Variants in HK1 observed in about 807,000 individuals in gnomAD.
HK1 encodes hexokinase 1, also known as hexokinase-1.
HK1 carries 28 observed loss-of-function variants against 91.6 expected under a neutral mutation model. The ratio of observed to expected loss-of-function variants is 0.31; its 90% confidence interval spans 0.23 to 0.42. The LOEUF (loss-of-function observed/expected upper bound fraction) is 0.42, where lower values mean the gene tolerates loss of function less well. HK1 is among the 10% of genes least tolerant of loss of function. HK1 has a pLI of 1.00. For missense variants in HK1, 770 were observed against 1,219.8 expected, an observed-to-expected ratio of 0.63 and a Z score of 5.49; for synonymous variants, 430 against 468.1, an observed-to-expected ratio of 0.92 and a Z score of 1.05.
At chr10:69,347,375 T>A (rs556181622) in intron 2 of HK1, among the ~76,000 whole-genome samples, 2 of 151,430 alleles carry the variant, frequency 1.3e-5, no homozygotes, top group East Asian at 3.9e-4. Context: ...CTAGGGAGAA[T>A]GAAGATATCA....
chr10:69,323,106 C>T (rs1444855699), intron 1 of HK1, among the ~76,000 whole-genome samples: 3 of 151,084 alleles, frequency 2.0e-5, no homozygotes, highest in East Asian at 2.0e-4. Flanking sequence ...ATTAGCTGGA[C>T]GTGGTAGCAT....
intron 17 of HK1, among the ~76,000 whole-genome samples, chr10:69,400,276 G>A (rs1213978394): frequency 6.6e-6 from 1 of 152,118 alleles, no homozygotes; most frequent in Admixed American, 6.5e-5. Flanking sequence ...CACCTAATAG[G>A]TCCCCAACCA....
Position 69,389,147 on chromosome 10 carries a change from G to A in HK1, c.1936-50G>A, listed in dbSNP as rs745346244. ...AACAGACAGAACCGGCAGCATTCAA[G>A]CCAGGCATAGTGATCCTATTCCTAA... On this transcript the variant is annotated intron_variant, in intron 13 of 17. Transcript: ENST00000359426. 2.8e-6 allele frequency: 4 copies of A among 1,412,208 alleles called. No individual in the cohort carries two copies. The South Asian group carries it at 4.7e-5, about 16-fold the overall frequency. The allele number at this position is 1,412,208 out of a possible 1,614,324, so 87.5% of individuals were successfully genotyped here. A position where few individuals can be genotyped will look rare whatever the true frequency, so the allele number is the denominator to read the frequency against.
intron 7 of HK1, among the ~76,000 whole-genome samples, chr10:69,370,946 A>G (rs1849967764): frequency 6.6e-6 from 1 of 152,160 alleles, no homozygotes; most frequent in South Asian, 2.1e-4. Flanking sequence ...GCCTCCCAGC[A>G]GCCTTATCCC....
intron 17 of HK1, among the ~76,000 whole-genome samples, 191 bp from the exon 18 acceptor site, chr10:69,400,800 A>AC (rs1450154182): frequency 6.6e-6 from 1 of 151,952 alleles, no homozygotes; most frequent in Non-Finnish European, 1.5e-5. Context: ...AACCATGTTC[A>AC]CCCTCCTTGT....
intron 3 of HK1, 115 bp from the exon 4 acceptor site, chr10:69,364,668 C>G (rs1245107647): frequency 2.7e-5 from 36 of 1,335,892 alleles, no homozygotes; most frequent in Non-Finnish European, 3.9e-5. Flanking sequence ...AGTACGAGCA[C>G]TTTGTTTGGG....
intron 3 of HK1, among the ~76,000 whole-genome samples, chr10:69,364,412 C>T (rs1297557413): frequency 6.6e-6 from 1 of 152,110 alleles, no homozygotes; most frequent in Non-Finnish European, 1.5e-5. Context: ...GAAGGCCACT[C>T]CACCTGGTGG....
intron 16 of HK1, among the ~76,000 whole-genome samples, chr10:69,397,519 C>G (rs965050671): frequency 6.6e-6 from 1 of 152,164 alleles, no homozygotes; most frequent in African/African-American, 2.4e-5. Flanking sequence ...GACAAGACGC[C>G]TAGCAGGGCA....
At chr10:69,309,495 TAAAAAAAAAAAA>T (rs1177161842) in intron 5 of HK1, among the ~76,000 whole-genome samples, 22 of 46,984 alleles carry the variant, frequency 4.7e-4, no homozygotes, top group African/African-American at 2.3e-3. Context: ...TTTGTCTCAT[TAAAAAAAAAAAA>T]AAAAAAAAAA....
intron 15 of HK1, among the ~76,000 whole-genome samples, chr10:69,392,573 G>A (rs543288730): frequency 6.6e-6 from 1 of 152,244 alleles, no homozygotes; most frequent in Admixed American, 6.5e-5. Context: ...GAGGATTCTG[G>A]CCTTCCGGTC....
upstream of HK1, among the ~76,000 whole-genome samples, chr10:69,314,610 ATTTTTTTC>A (rs1197058800): frequency 4.6e-5 from 7 of 151,786 alleles, no homozygotes; most frequent in African/African-American, 7.3e-5. Context: ...TAATCCCAGC[ATTTTTTTC>A]TTTTTTTCTT....
At chr10:69,312,063 A>G (rs533286356), upstream of HK1, among the ~76,000 whole-genome samples, 1 of 152,132 alleles carries the variant, frequency 6.6e-6, no homozygotes, top group African/African-American at 2.4e-5. Flanking sequence ...TTTACCTTCA[A>G]AGGGGAGTAG....
chr10:69,311,458 G>C (rs1297404071), upstream of HK1, among the ~76,000 whole-genome samples: 1 of 152,164 alleles, frequency 6.6e-6, no homozygotes, highest in Non-Finnish European at 1.5e-5. Flanking sequence ...GGTGCTGGGA[G>C]AACTATCCCA....
At chr10:69,276,844 C>T (rs1214102270) in intron 1 of HK1, among the ~76,000 whole-genome samples, 2 of 149,660 alleles carry the variant, frequency 1.3e-5, no homozygotes, top group East Asian at 3.9e-4. Context: ...TATATATATC[C>T]TACATATATG....
In HK1 at chr10:69,357,576, A is replaced by G. The variant is rs570775434; in HGVS notation, c.227-2321A>G. Reference sequence around the variant, plus strand: ...AGAGATTCTCCTACCTCAGTCTCCAAGTAGCTGGGATTACAGGCTCACACC... The same window carrying G: ...AGAGATTCTCCTACCTCAGTCTCCAGGTAGCTGGGATTACAGGCTCACACC... On this transcript the variant is annotated intron_variant, in intron 2 of 17. Coordinates refer to ENST00000359426, the MANE Select transcript of HK1 (RefSeq NM_000188.3). 4.6e-5 allele frequency among the ~76,000 whole-genome samples: 7 copies of G among 152,140 alleles called. No individual in the cohort carries two copies. The East Asian group carries it at 1.4e-3, about 29-fold the overall frequency.
rs951367097 is a variant in HK1, at chr10:69,371,640, G to A, written c.875+2016G>A. Among the ~76,000 whole-genome samples the A allele has an allele frequency of 2.0e-5, 3 of 152,182 alleles. No homozygotes were observed. In the South Asian group the frequency reaches 6.2e-4, roughly 32 times the overall value. ...CATGCCACTTGTGGTAACTCGACAG[G>A]TAATGCCCAGGCCCTTATCCTTGGT... is the stretch of plus-strand genomic sequence containing the variant. On this transcript the variant is annotated intron_variant, in intron 7 of 17. Transcript: ENST00000359426.
chr10:69,360,530 G>C (rs1402400706), intron 3 of HK1, among the ~76,000 whole-genome samples: 1 of 152,212 alleles, frequency 6.6e-6, no homozygotes, highest in Non-Finnish European at 1.5e-5. Flanking sequence ...GGGGCTTCTT[G>C]TTACCTGATT....
chr10:69,399,985 C>T (rs775911816), intron 17 of HK1, among the ~76,000 whole-genome samples: 5 of 152,192 alleles, frequency 3.3e-5, no homozygotes, highest in Non-Finnish European at 5.9e-5. Context: ...CCCTTAATAG[C>T]TGTCCTTGCC....
intron 1 of HK1, among the ~76,000 whole-genome samples, chr10:69,334,299 T>C (rs995231733): frequency 6.6e-6 from 1 of 152,172 alleles, no homozygotes; most frequent in African/African-American, 2.4e-5. Flanking sequence ...GCTTTGGTGA[T>C]GATCTCACAC....
Sources: allele counts gnomAD v4.1 joint callset (sites outside exome capture counted in the v4.1 genomes callset), GRCh38; gene constraint gnomAD v4.1.1; transcripts MANE v1.5; gene names NCBI Gene and HGNC (gene_info 2026-07-23, HGNC 2026-07-21).